Variants in SUCLG2 observed in about 807,000 individuals in gnomAD.
SUCLG2 encodes the protein succinate-CoA ligase GDP-forming subunit beta, also known as succinate--CoA ligase [GDP-forming] subunit beta, mitochondrial.
SUCLG2 carries 42 observed loss-of-function variants against 47.9 expected under a neutral mutation model. That is an observed-to-expected ratio of 0.88 (90% CI 0.69 to 1.14). The LOEUF (loss-of-function observed/expected upper bound fraction) is 1.14, where lower values mean the gene tolerates loss of function less well. Ranked by LOEUF, SUCLG2 falls within the 50% of genes most tolerant of loss-of-function variation. The pLI is 0.00. For missense variants in SUCLG2, 571 were observed against 525.9 expected, an observed-to-expected ratio of 1.09 and a Z score of -0.84; for synonymous variants, 195 against 197.3, an observed-to-expected ratio of 0.99 and a Z score of 0.10.
intron 1 of SUCLG2, among the ~76,000 whole-genome samples, chr3:67,642,448 T>TA (rs767632599): frequency 6.2e-4 from 91 of 145,966 alleles, no homozygotes; most frequent in East Asian, 1.0e-3. Flanking sequence ...CTACAAAATT[T>TA]AAAAAAAAAA....
intron 1 of SUCLG2, among the ~76,000 whole-genome samples, chr3:67,621,543 G>A (rs569799205): frequency 6.6e-6 from 1 of 152,320 alleles, no homozygotes; most frequent in East Asian, 1.9e-4. Context: ...GTATTGAGAG[G>A]TGGGATCTAT....
intron 2 of SUCLG2, among the ~76,000 whole-genome samples, chr3:67,535,227 G>A (rs1706507716): frequency 6.6e-6 from 1 of 152,108 alleles, no homozygotes; most frequent in Admixed American, 6.6e-5. Flanking sequence ...TTCAATTAAG[G>A]AGGCAGAACT....
chr3:67,513,834 T>C (rs188563625), intron 6 of SUCLG2: 28 of 152,510 alleles, frequency 1.8e-4, no homozygotes, highest in Admixed American at 1.6e-3. Flanking sequence ...TATACGTACA[T>C]GAAAATCTGA....
rs183671832 is a variant in SUCLG2, at chr3:67,605,235, T to C, written c.226+4220A>G. 9.8e-5 allele frequency among the ~76,000 whole-genome samples: 15 copies of C among 152,326 alleles called. No homozygotes were observed. In the East Asian group the frequency reaches 2.9e-3, roughly 29 times the overall value. Reference sequence around the variant, plus strand: ...ATCCAGTTTTAATCTTAACCTCAAATCTATTTGCTAAAACTTCAATCGTGC... The same window carrying C: ...ATCCAGTTTTAATCTTAACCTCAAACCTATTTGCTAAAACTTCAATCGTGC... On this transcript the variant is annotated intron_variant, in intron 2 of 10. Coordinates refer to ENST00000307227, the MANE Select transcript of SUCLG2 (RefSeq NM_003848.4).
At chr3:67,388,483 G>A (rs1346381823) in intron 10 of SUCLG2, among the ~76,000 whole-genome samples, 1 of 152,174 alleles carries the variant, frequency 6.6e-6, no homozygotes, top group Non-Finnish European at 1.5e-5. Flanking sequence ...TCTGTGAATG[G>A]AGCAGACCCA....
At chr3:67,533,489 T>C (rs565909287) in intron 2 of SUCLG2, among the ~76,000 whole-genome samples, 7 of 152,268 alleles carry the variant, frequency 4.6e-5, no homozygotes, top group South Asian at 2.1e-4. Flanking sequence ...TGAGAGTTGA[T>C]AGAATTCCTA....
intron 2 of SUCLG2, among the ~76,000 whole-genome samples, chr3:67,576,445 A>T (rs1035708288): frequency 6.6e-6 from 1 of 152,208 alleles, no homozygotes; most frequent in Non-Finnish European, 1.5e-5. Context: ...CTTGATTCAG[A>T]ATTGAACAGA....
intron 9 of SUCLG2, among the ~76,000 whole-genome samples, chr3:67,456,560 A>G (rs539831651): frequency 6.6e-6 from 1 of 152,206 alleles, no homozygotes; most frequent in Non-Finnish European, 1.5e-5. Context: ...GGAAAAACAC[A>G]TTCAACTCAA....
At chr3:67,386,365 A>G (rs776309051) in intron 10 of SUCLG2, among the ~76,000 whole-genome samples, 8 of 151,936 alleles carry the variant, frequency 5.3e-5, no homozygotes, top group Non-Finnish European at 5.9e-5. Context: ...CTTTAATATG[A>G]TAACTATCCA....
At chr3:67,563,284 T>C (rs543424359) in intron 2 of SUCLG2, among the ~76,000 whole-genome samples, 17 of 152,284 alleles carry the variant, frequency 1.1e-4, no homozygotes, top group African/African-American at 4.1e-4. Flanking sequence ...AAAAACAGTA[T>C]GGTCTCTTAA....
chr3:67,541,192 G>A (rs552592891), intron 2 of SUCLG2, among the ~76,000 whole-genome samples: 2 of 152,224 alleles, frequency 1.3e-5, no homozygotes, highest in South Asian at 4.1e-4. Context: ...GAAAAAAACT[G>A]GATGAAGAAT....
chr3:67,569,428 G>C (rs570279928), intron 2 of SUCLG2, among the ~76,000 whole-genome samples: 1 of 152,152 alleles, frequency 6.6e-6, no homozygotes, highest in Non-Finnish European at 1.5e-5. Flanking sequence ...TCTTAGGGGC[G>C]GGGCTATCAC....
chr3:67,464,989 A>C (rs919244728), intron 9 of SUCLG2, among the ~76,000 whole-genome samples: 1 of 152,138 alleles, frequency 6.6e-6, no homozygotes, highest in African/African-American at 2.4e-5. Context: ...GATTGCCTGA[A>C]ATACATTACA....
At chr3:67,616,147 G>T (rs961935518) in intron 1 of SUCLG2, among the ~76,000 whole-genome samples, 1 of 152,050 alleles carries the variant, frequency 6.6e-6, no homozygotes, top group African/African-American at 2.4e-5. Flanking sequence ...TCACAGGTGA[G>T]ATTAGGCTGG....
chr3:67,520,514 C>T lies in SUCLG2; in HGVS notation c.538G>A (p.Val180Met), dbSNP rs760519241. 3.1e-6 allele frequency: 5 copies of T among 1,614,008 alleles called. No homozygotes were observed. In the African/African-American group the frequency reaches 6.7e-5, roughly 22 times the overall value. Residue 180 changes from valine (V) to methionine (M), a missense_variant, in exon 5 of 11, where the codon GTG (valine) becomes ATG (methionine). Physicochemically the swap from Val to Met is conservative, Grantham distance 21. Coordinates refer to ENST00000307227, the MANE Select transcript of SUCLG2 (RefSeq NM_003848.4). ...SPQGGVDIEE[V>M]AASNPELIFK... Reference sequence around the variant, plus strand: ...ATGAGCTCCGGGTTTGAAGCAGCCACCTCTTCAATGTCGACGCCCCCCTGG... The same window carrying T: ...ATGAGCTCCGGGTTTGAAGCAGCCATCTCTTCAATGTCGACGCCCCCCTGG...
intron 9 of SUCLG2, among the ~76,000 whole-genome samples, chr3:67,473,360 G>C (rs1202055765): frequency 6.6e-6 from 1 of 151,982 alleles, no homozygotes; most frequent in Non-Finnish European, 1.5e-5. Context: ...TATTGTAAAG[G>C]ATTACATTAT....
At chr3:67,584,671 T>C (rs1305857817) in intron 2 of SUCLG2, among the ~76,000 whole-genome samples, 1 of 152,214 alleles carries the variant, frequency 6.6e-6, no homozygotes, top group Non-Finnish European at 1.5e-5. Context: ...TGCCTGAGAC[T>C]GAGTAATTTA....
intron 9 of SUCLG2, among the ~76,000 whole-genome samples, chr3:67,446,417 ATTTTTTTTTT>A (rs750956324): frequency 8.7e-4 from 28 of 32,196 alleles, no homozygotes; most frequent in South Asian, 4.2e-3. Flanking sequence ...ACATATGTAC[ATTTTTTTTTT>A]TTTTTTTTTT....
chr3:67,627,166 C>G (rs1700847410), intron 1 of SUCLG2, among the ~76,000 whole-genome samples: 1 of 151,684 alleles, frequency 6.6e-6, no homozygotes, highest in African/African-American at 2.4e-5. Context: ...TCGATATATG[C>G]TTTATTTGAG....
Sources: gnomAD v4.1 joint callset for allele counts (sites outside exome capture counted in the v4.1 genomes callset) on GRCh38, gnomAD v4.1.1 for gene constraint, MANE v1.5 for transcripts, NCBI Gene and HGNC (gene_info 2026-07-23, HGNC 2026-07-21) for gene names.